HCFC1: variants seen among roughly 807,000 people sequenced by gnomAD.
HCFC1 encodes host cell factor C1.
HCFC1 carries 7 observed loss-of-function variants against 105.5 expected under a neutral mutation model. The observed-to-expected ratio is 0.07, with a 90% CI of 0.04 to 0.12. HCFC1 has a LOEUF of 0.12. HCFC1 is among the 10% of genes least tolerant of loss of function. The probability of loss-of-function intolerance (pLI) is 1.00; values close to 1 mark genes in which losing one functional copy is unlikely to be tolerated. For synonymous variants in HCFC1, 918 were observed against 828.1 expected, an observed-to-expected ratio of 1.11 and a Z score of -1.86; for missense variants, 1,065 against 1,823.6, an observed-to-expected ratio of 0.58 and a Z score of 7.58.
intron 23 of HCFC1, 74 bp downstream of exon 23, chrX:153,950,739 C>T (rs375884524): frequency 2.5e-5 from 26 of 1,049,976 alleles, no homozygotes; most frequent in Admixed American, 4.7e-5. Context: ...CCTATGCCCC[C>T]CCCCGGCCAC....
chrX:153,951,909 T>C lies in HCFC1; in HGVS notation c.5192A>G (p.Asn1731Ser), dbSNP rs1376359622. ...CGTGCCGGCCAGCTCATTGAGGCAA[T>C]TGCTCTCAATGGCTGGGTCGTTGAG... ...DSLNDPAIES[N>S]CLNELAGTVP... Residue 1731 changes from asparagine to serine, a missense_variant, in exon 20 of 26, where the codon AAT becomes AGT. Physicochemically the swap from Asn to Ser is conservative, Grantham distance 46. Transcript: ENST00000310441. 8.4e-7 allele frequency: 1 copy of C among 1,189,921 alleles called. No homozygotes were observed.
rs2148564424 is a variant in HCFC1 at position 153,952,929 on chromosome X, A to G, written c.4527T>C (p.Gly1509=). The change falls in exon 19 of 26, where the codon GGT becomes GGC. Residue 1509 remains glycine (G), a synonymous_variant. Coordinates refer to ENST00000310441, the MANE Select transcript of HCFC1 (RefSeq NM_005334.3). ...GCCGTGGCGGCAGCTGCTGGCGAGG[A>G]CCTGGCGACACCTGGAGTTCCTCTG... ...PPPEELQVSP[G]PRQQLPPRQL... The G allele has an allele frequency of 8.5e-7, 1 of 1,175,182 alleles. No homozygotes were observed. The highest frequency in any genetic ancestry group is 1.1e-6 in the Non-Finnish European group (1 of 877,698).
chrX:153,966,090 G>C (rs1179610746), intron 1 of HCFC1, among the ~76,000 whole-genome samples: 2 of 111,920 alleles, frequency 1.8e-5, no homozygotes, highest in Non-Finnish European at 3.8e-5. Context: ...TACACTTGTG[G>C]TCCTAGCTAC....
At position 153,952,611 on chromosome X, in the gene HCFC1, C is replaced by A. The variant is rs782697777; in HGVS notation, c.4845G>T (p.Thr1615=). 1.7e-6 allele frequency: 2 copies of A among 1,208,847 alleles called. No homozygotes were observed. The highest frequency in any genetic ancestry group is 3.5e-5 in the African/African-American group (2 of 57,798). Residue 1615 remains threonine (T), a synonymous_variant, in exon 19 of 26, where the codon ACG becomes ACT. Transcript: ENST00000310441. ...CCTGGGCAGCTGCTTCTGCAGCAGC[C>A]GTCACTGCCAGCTCCTCGGGGGTGA... ...TGLTPEELAV[T]AAAEAAAQAA... is the part of the protein sequence containing the mutation.
At chrX:153,968,851 G>C (rs1487495418) in intron 1 of HCFC1, among the ~76,000 whole-genome samples, 1 of 112,090 alleles carries the variant, frequency 8.9e-6, no homozygotes, top group African/African-American at 3.2e-5. Context: ...TCATGGTGAC[G>C]GTGCCTCTAT....
intron 1 of HCFC1, among the ~76,000 whole-genome samples, chrX:153,970,286 C>CTG (rs2065514850): frequency 9.1e-6 from 1 of 109,534 alleles, no homozygotes; most frequent in African/African-American, 3.3e-5. Context: ...AGCCCCTCTC[C>CTG]CTCACCAGTC....
rs1394336950 is a variant in HCFC1 at position 153,951,289 on chromosome X, G to A, written c.5517+61C>T. ...GATGGAGGAGTTTCCTGTAAGCCCC[G>A]CTCAGGGTGGTGGAGCCAAGACCCA... On this transcript the variant is annotated intron_variant, in intron 22 of 25. Coordinates refer to ENST00000310441, the MANE Select transcript of HCFC1 (RefSeq NM_005334.3). The A allele has an allele frequency of 2.1e-5, 24 of 1,163,363 alleles. No homozygotes were observed. The East Asian group carries it at 2.7e-4, about 13-fold the overall frequency.
At position 153,950,324 on chromosome X, in the gene HCFC1, T is replaced by G. The variant is rs1557112090; in HGVS notation, c.5923A>C (p.Thr1975Pro). 1 of 1,209,668 alleles carries G rather than the reference T, an allele frequency of 8.3e-7. No individual in the cohort carries two copies. Among genetic ancestry groups the G allele is most frequent in the Non-Finnish European group, 1.1e-6 (1 of 894,766 alleles). Residue 1975 changes from threonine to proline, a missense_variant, in exon 24 of 26, where the codon ACC becomes CCC. By Grantham distance (38) the Thr-to-Pro change is conservative. Coordinates refer to ENST00000310441, the MANE Select transcript of HCFC1 (RefSeq NM_005334.3). ...SLSNAHIDYTTKPAIIFRIAA... is the reference protein window; with the variant it reads ...SLSNAHIDYTPKPAIIFRIAA... ...ATGCGGAAGATGATGGCGGGCTTGG[T>G]GGTGTAGTCGATGTGGGCGTTGGAA...
intron 13 of HCFC1, 127 bp from the exon 14 acceptor site, chrX:153,957,187 C>A: frequency 2.1e-6 from 2 of 972,258 alleles, no homozygotes; most frequent in African/African-American, 3.8e-5. Context: ...CCCTTAGACA[C>A]AAAAGGCAGC....
Position 153,954,713 on chromosome X carries a change from G to A in HCFC1, c.3686C>T (p.Pro1229Leu), listed in dbSNP as rs782416044. The change falls in exon 17 of 26, where the codon CCT becomes CTT. Residue 1229 changes from proline to leucine, a missense_variant. This residue lies in a region of HCFC1 where 546 missense variants were observed against 599.9 expected (regional missense o/e 0.91). Coordinates refer to ENST00000310441, the MANE Select transcript of HCFC1 (RefSeq NM_005334.3). ...GACCGCATGGCTGTGGCGCCCCGCA[G>A]GAAGGTCCTTAATGCTTGGGCTGCT... Reference protein sequence around the residue: ...RLSSPSIKDLPAGRHSHAVST... With the variant: ...RLSSPSIKDLLAGRHSHAVST... The A allele has an allele frequency of 8.4e-7, 1 of 1,191,876 alleles. No individual in the cohort carries two copies. The highest frequency in any genetic ancestry group is 1.7e-5 in the African/African-American group (1 of 57,171).
rs1393576117 is a variant in HCFC1, at chrX:153,962,322, G to A, written c.713-16C>T. ...GTCAGGGTGTCTGCAGAGAGACGGAGGGGAAAGGGTTACACAAGGTAGACT... is the reference window on the plus strand; with the variant it reads ...GTCAGGGTGTCTGCAGAGAGACGGAAGGGAAAGGGTTACACAAGGTAGACT... On this transcript the variant is annotated splice_polypyrimidine_tract_variant and intron_variant, in intron 4 of 25. Coordinates refer to ENST00000310441, the MANE Select transcript of HCFC1 (RefSeq NM_005334.3). 2 of 1,155,825 alleles carry A rather than the reference G, an allele frequency of 1.7e-6. No homozygotes were observed. Among genetic ancestry groups the A allele is most frequent in the Non-Finnish European group, 1.2e-6 (1 of 847,153 alleles).
At chrX:153,969,443 G>A (rs781900738) in intron 1 of HCFC1, 15 of 112,173 alleles carry the variant, frequency 1.3e-4, no homozygotes, top group African/African-American at 4.2e-4. Context: ...CGCCTGCAGG[G>A]GGCTTTTCCC....
chrX:153,954,104 G>A lies in HCFC1; in HGVS notation c.4295C>T (p.Thr1432Met), dbSNP rs1557113489. ...CATGTTGGAAGTGACAGTGGTGGCC[G>A]TGTGAGTGGTGCCCGTCTCGTGGGT... ...CETHETGTTH[T>M]ATTVTSNMSS... is the part of the protein sequence containing the mutation. Residue 1432 changes from threonine to methionine, a missense_variant, in exon 17 of 26, where the codon ACG becomes ATG. Physicochemically the swap from Thr to Met is moderately conservative, Grantham distance 81. This residue lies in a region of HCFC1 where 546 missense variants were observed against 599.9 expected (regional missense o/e 0.91). Coordinates refer to ENST00000310441, the MANE Select transcript of HCFC1 (RefSeq NM_005334.3). The A allele has an allele frequency of 1.7e-6, 2 of 1,208,255 alleles. No homozygotes were observed. The highest frequency in any genetic ancestry group is 1.8e-5 in the South Asian group (1 of 56,751).
At chrX:153,950,579 G>A (rs199545396) in intron 23 of HCFC1, 36 bp from the exon 24 acceptor site, 4 of 1,107,260 alleles carry the variant, frequency 3.6e-6, no homozygotes, top group East Asian at 3.0e-5. Context: ...AACAGAACAG[G>A]CTAGAGGCTT....
intron 1 of HCFC1, among the ~76,000 whole-genome samples, chrX:153,970,359 C>T (rs1477704056): frequency 1.1e-5 from 1 of 94,354 alleles, no homozygotes; most frequent in Non-Finnish European, 2.1e-5. Context: ...GACAAGGGAA[C>T]GGGGAGAAGA....
chrX:153,950,710 G>T (rs2065302193), intron 23 of HCFC1, 103 bp downstream of exon 23: 3 of 933,590 alleles, frequency 3.2e-6, no homozygotes, highest in Admixed American at 2.7e-5. Flanking sequence ...AGACAAACTG[G>T]GACTCAAAAC....
rs1297778476 is a variant in HCFC1 at position 153,949,254 on chromosome X, G to A, written c.*93C>T. 1.3e-5 allele frequency: 8 copies of A among 607,599 alleles called. No individual in the cohort carries two copies. The highest frequency in any genetic ancestry group is 3.2e-5 in the Admixed American group (1 of 31,574). 50.1% of individuals were successfully genotyped at this position (607,599 alleles called of 1,213,427 possible). Reference sequence around the variant, plus strand: ...ACAGCGGCTCGCGAGGGTGAAGTGCGAATGCTGGGACGGGGTGGGAGGGGT... The same window carrying A: ...ACAGCGGCTCGCGAGGGTGAAGTGCAAATGCTGGGACGGGGTGGGAGGGGT... On this transcript the variant is annotated 3_prime_UTR_variant, in exon 26 of 26. Coordinates refer to ENST00000310441, the MANE Select transcript of HCFC1 (RefSeq NM_005334.3).
In HCFC1 at chrX:153,970,974, A is replaced by C. The variant is rs1382228627; in HGVS notation, c.-134T>G. ...TTCTCACACAGCGGTAGACGACTCC[A>C]TGGAGGCCGCCATCTTAACTGCCCT... On this transcript the variant is annotated 5_prime_UTR_variant, in exon 1 of 26. It removes an upstream start codon present in the reference 5' UTR. Coordinates refer to ENST00000310441, the MANE Select transcript of HCFC1 (RefSeq NM_005334.3). 3.3e-5 allele frequency: 16 copies of C among 478,573 alleles called. No homozygotes were observed. The highest frequency in any genetic ancestry group is 5.1e-5 in the Non-Finnish European group (15 of 295,050). 39.4% of individuals were successfully genotyped at this position (478,573 alleles called of 1,213,427 possible).
Position 153,948,727 on chromosome X carries a change from T to A in HCFC1, c.*620A>T, listed in dbSNP as rs919866154. The stretch of plus-strand genomic sequence containing the variant: ...GCCGCGGGGCTCCTTGCCCCTTTTT[T>A]CTTTTTCCTTCTTTTCTTTTTTAAA... On this transcript the variant is annotated 3_prime_UTR_variant, in exon 26 of 26. Transcript: ENST00000310441. 4.4e-5 allele frequency: 5 copies of A among 112,442 alleles called. No individual in the cohort carries two copies. In the Admixed American group the frequency reaches 4.7e-4, roughly 11 times the overall value. The allele number at this position is 112,442 out of a possible 1,213,427, so 9.3% of individuals were successfully genotyped here.
Sources: gnomAD v4.1 joint callset for allele counts (sites outside exome capture counted in the v4.1 genomes callset) on GRCh38, gnomAD v4.1.1 for gene constraint, gnomAD v4.1.1 regional missense constraint, MANE v1.5 for transcripts, NCBI Gene and HGNC (gene_info 2026-07-23, HGNC 2026-07-21) for gene names.